The following CLDN10 variants were observed in gnomAD, a reference collection of about 807,000 sequenced individuals.
CLDN10 encodes the protein claudin-10.
CLDN10 carries 15 observed loss-of-function variants against 22.9 expected under a neutral mutation model. The observed-to-expected ratio is 0.65, with a 90% CI of 0.44 to 1.01. The LOEUF is 1.01. Ranked by LOEUF, CLDN10 falls within the 50% of genes least tolerant of loss-of-function variation. CLDN10 has a pLI of 0.00. For missense variants in CLDN10, 247 were observed against 287.8 expected (o/e 0.86, Z 1.03); for synonymous variants, 114 against 111.4 (o/e 1.02, Z -0.15).
At chr13:95,514,190 T>C (rs2043137148) in intron 1 of CLDN10, among the ~76,000 whole-genome samples, 1 of 151,830 alleles carries the variant, frequency 6.6e-6, no homozygotes, top group African/African-American at 2.4e-5. Context: ...GCCTGGGAGG[T>C]GGAGGTTACA....
chr13:95,495,521 G>A (rs1233765199), intron 1 of CLDN10, among the ~76,000 whole-genome samples: 1 of 151,358 alleles, frequency 6.6e-6, no homozygotes, highest in Non-Finnish European at 1.5e-5. Flanking sequence ...GAGGTGGGTG[G>A]ATCATGAGGT....
chr13:95,523,612 G>A (rs933910812), intron 1 of CLDN10, among the ~76,000 whole-genome samples: 10 of 151,978 alleles, frequency 6.6e-5, no homozygotes, highest in South Asian at 6.2e-4. Context: ...TTTTATATGC[G>A]TTCTTCTTTT....
Position 95,510,596 on chromosome 13 carries a change from G to T in CLDN10, c.215-49536G>T, listed in dbSNP as rs144619842. ...TTATTTATTAAGCCTTTGCTCATTT[G>T]CCTTACCATAATCTTTTCTATACCT... On this transcript the variant is annotated intron_variant, in intron 1 of 4. Coordinates refer to the CLDN10 transcript ENST00000376873. 2.0e-5 allele frequency among the ~76,000 whole-genome samples: 3 copies of T among 152,042 alleles called. No homozygotes were observed. The South Asian group carries it at 6.2e-4, about 32-fold the overall frequency.
chr13:95,470,329 A>G (rs1019687544), intron 1 of CLDN10, among the ~76,000 whole-genome samples: 3 of 152,052 alleles, frequency 2.0e-5, no homozygotes, highest in Admixed American at 1.3e-4. Flanking sequence ...CTGGACTTGA[A>G]CCTTGAACTC....
intron 1 of CLDN10, among the ~76,000 whole-genome samples, chr13:95,503,563 A>G (rs765493158): frequency 2.0e-5 from 3 of 152,236 alleles, no homozygotes; most frequent in Admixed American, 6.5e-5. Context: ...AGCACTGTTT[A>G]TAAAAACTGA....
intron 1 of CLDN10, among the ~76,000 whole-genome samples, chr13:95,518,756 CA>C (rs11288575): frequency 0.87 from 131,061 of 151,132 alleles, 56,801 homozygotes; most frequent in East Asian, 0.96. Flanking sequence ...GAGACTGTCT[CA>C]AAAAAAAAAA....
chr13:95,569,233 G>T (rs1290314998), intron 3 of CLDN10, among the ~76,000 whole-genome samples: 2 of 152,126 alleles, frequency 1.3e-5, no homozygotes, highest in African/African-American at 4.8e-5. Context: ...AGAGACAATT[G>T]TTTTAAGACA....
upstream of CLDN10, among the ~76,000 whole-genome samples, chr13:95,548,736 T>C (rs2043535096): frequency 6.6e-6 from 1 of 152,218 alleles, no homozygotes; most frequent in Non-Finnish European, 1.5e-5. Context: ...ACTTGGCTCC[T>C]GGGCAGTTGT....
At chr13:95,460,272 T>A (rs1439436112) in intron 1 of CLDN10, among the ~76,000 whole-genome samples, 1 of 152,232 alleles carries the variant, frequency 6.6e-6, no homozygotes, top group Non-Finnish European at 1.5e-5. Context: ...CCTCTGCCTG[T>A]TACCCAGTTC....
At chr13:95,469,418 G>T (rs897483656) in intron 1 of CLDN10, among the ~76,000 whole-genome samples, 11 of 152,132 alleles carry the variant, frequency 7.2e-5, no homozygotes, top group Admixed American at 2.0e-4. Flanking sequence ...TATTCAATGG[G>T]ATGAGAGTTA....
At chr13:95,504,784 C>A (rs568915557) in intron 1 of CLDN10, among the ~76,000 whole-genome samples, 2 of 151,986 alleles carry the variant, frequency 1.3e-5, no homozygotes, top group South Asian at 2.1e-4. Context: ...GTGATCCCCC[C>A]ACCTCAGCCT....
At chr13:95,575,459 T>C (rs942041617) in intron 3 of CLDN10, among the ~76,000 whole-genome samples, 8 of 152,218 alleles carry the variant, frequency 5.3e-5, no homozygotes, top group Admixed American at 2.6e-4. Context: ...GCAGGGCTGA[T>C]TGCAGAAATC....
chr13:95,533,707 C>T (rs918159929), intron 1 of CLDN10: 9 of 152,220 alleles, frequency 5.9e-5, no homozygotes, highest in Non-Finnish European at 1.3e-4. Context: ...CCTGCAGGGG[C>T]CACACTCTCA....
chr13:95,479,075 G>T (rs2042714511), intron 1 of CLDN10, among the ~76,000 whole-genome samples: 1 of 152,218 alleles, frequency 6.6e-6, no homozygotes, highest in Non-Finnish European at 1.5e-5. Flanking sequence ...CACCGGCCGG[G>T]TGCAGTGGCT....
intron 1 of CLDN10, among the ~76,000 whole-genome samples, chr13:95,488,806 C>T (rs1348961522): frequency 6.6e-6 from 1 of 152,042 alleles, no homozygotes; most frequent in African/African-American, 2.4e-5. Flanking sequence ...GGGTTGGTTC[C>T]AGGATTTTGC....
At chr13:95,566,068 T>A (rs1252425022) in intron 3 of CLDN10, among the ~76,000 whole-genome samples, 1 of 152,216 alleles carries the variant, frequency 6.6e-6, no homozygotes, top group Non-Finnish European at 1.5e-5. Flanking sequence ...CTATTGTGAA[T>A]AGTGCCGCAA....
At chr13:95,453,949 C>T (rs1322822747) in intron 1 of CLDN10, among the ~76,000 whole-genome samples, 1 of 150,878 alleles carries the variant, frequency 6.6e-6, no homozygotes, top group Non-Finnish European at 1.5e-5. Context: ...AATCTCATTC[C>T]CCTATGCTGG....
rs12873172 is a variant in CLDN10, at chr13:95,479,731, C to T, written c.214+45684C>T. On this transcript the variant is annotated intron_variant, in intron 1 of 4. Coordinates refer to the CLDN10 transcript ENST00000376873. ...ACAGATAAGAAAACAAACCTGGAGA[C>T]CTTAAGGAACTTGATCAAGGTCACA... The T allele has an allele frequency of 1.1e-3, 173 of 152,090 alleles. 2 individuals are homozygous for T. Among genetic ancestry groups the T allele is most frequent in the Non-Finnish European group, 1.5e-3 (105 of 67,992 alleles). 9.4% of individuals were successfully genotyped at this position (152,090 alleles called of 1,614,324 possible). A position where few individuals can be genotyped will look rare whatever the true frequency, so the allele number is the denominator to read the frequency against.
chr13:95,531,717 A>G (rs960440300), intron 1 of CLDN10, among the ~76,000 whole-genome samples: 2 of 137,544 alleles, frequency 1.5e-5, no homozygotes, highest in Admixed American at 7.2e-5. Flanking sequence ...TTTTTTTGAT[A>G]TTTTTAGTGG....
Sources: gnomAD v4.1 joint callset for allele counts (sites outside exome capture counted in the v4.1 genomes callset) on GRCh38, gnomAD v4.1.1 for gene constraint, MANE v1.5 for transcripts, NCBI Gene and HGNC (gene_info 2026-07-23, HGNC 2026-07-21) for gene names.